Variants in KIAA1217 observed in about 807,000 individuals in gnomAD.
KIAA1217 encodes the protein KIAA1217.
KIAA1217 carries 88 observed loss-of-function variants against 163.9 expected under a neutral mutation model. That is an observed-to-expected ratio of 0.54 (90% CI 0.45 to 0.64). The LOEUF (loss-of-function observed/expected upper bound fraction) is 0.64. Among genes scored for constraint, KIAA1217 ranks in the 30% least tolerant of loss-of-function variants. The pLI, the probability that KIAA1217 is intolerant of heterozygous loss-of-function variation, is 0.00. For missense variants in KIAA1217, 2,372 were observed against 2,475.0 expected, an observed-to-expected ratio of 0.96 and a Z score of 0.88; for synonymous variants, 903 against 923.1, an observed-to-expected ratio of 0.98 and a Z score of 0.39.
At chr10:23,870,621 A>G (rs556211682) in intron 1 of KIAA1217, among the ~76,000 whole-genome samples, 1 of 152,256 alleles carries the variant, frequency 6.6e-6, no homozygotes, top group South Asian at 2.1e-4. Flanking sequence ...AGTTTTACGT[A>G]CTTTAAATCA....
chr10:24,175,640 G>T (rs1333881205), intron 2 of KIAA1217, among the ~76,000 whole-genome samples: 1 of 152,144 alleles, frequency 6.6e-6, no homozygotes, highest in Non-Finnish European at 1.5e-5. Context: ...CCCTCGCGGT[G>T]AGTGTTACAG....
At chr10:24,059,411 T>A (rs2060636705) in intron 2 of KIAA1217, among the ~76,000 whole-genome samples, 1 of 152,234 alleles carries the variant, frequency 6.6e-6, no homozygotes, top group Non-Finnish European at 1.5e-5. Flanking sequence ...TTGGAAATGT[T>A]CTCACTTCCT....
chr10:23,903,326 A>G (rs1166861194), intron 1 of KIAA1217, among the ~76,000 whole-genome samples: 1 of 152,062 alleles, frequency 6.6e-6, no homozygotes. Context: ...AAAGAGTAAA[A>G]TTTTTCTCAC....
At chr10:24,538,733 T>TTTG (rs1211688723) in intron 17 of KIAA1217, among the ~76,000 whole-genome samples, 2 of 24,068 alleles carry the variant, frequency 8.3e-5, no homozygotes, top group Non-Finnish European at 2.4e-4. Flanking sequence ...TTGTTTTTGG[T>TTTG]TTTTTTTTTT....
At chr10:23,855,602 A>T (rs965858610) in intron 1 of KIAA1217, among the ~76,000 whole-genome samples, 1 of 152,128 alleles carries the variant, frequency 6.6e-6, no homozygotes, top group Non-Finnish European at 1.5e-5. Flanking sequence ...TATCCTGCAG[A>T]GTGTTTTCCA....
At chr10:24,000,458 T>A (rs1846687244) in intron 1 of KIAA1217, among the ~76,000 whole-genome samples, 2 of 152,244 alleles carry the variant, frequency 1.3e-5, no homozygotes, top group Non-Finnish European at 2.9e-5. Flanking sequence ...ATTGTAAGTT[T>A]CCTGAGGCTT....
chr10:24,205,485 G>C (rs1171105636), upstream of KIAA1217, among the ~76,000 whole-genome samples: 1 of 149,034 alleles, frequency 6.7e-6, no homozygotes, highest in Non-Finnish European at 1.5e-5. Flanking sequence ...CAAAAAAAAG[G>C]AAAAAATGCC....
At chr10:24,427,813 C>T (rs2059292072) in intron 3 of KIAA1217, among the ~76,000 whole-genome samples, 1 of 152,198 alleles carries the variant, frequency 6.6e-6, no homozygotes. Context: ...TTTTGTTCAT[C>T]ATCATGCCAA....
chr10:24,080,571 A>G (rs1052681476), intron 2 of KIAA1217, among the ~76,000 whole-genome samples: 3 of 152,204 alleles, frequency 2.0e-5, no homozygotes, highest in Admixed American at 6.5e-5. Flanking sequence ...CTAATTAACC[A>G]TAATTAGGAA....
intron 2 of KIAA1217, among the ~76,000 whole-genome samples, chr10:24,115,446 G>GA (rs566674085): frequency 2.0e-4 from 31 of 152,050 alleles, no homozygotes; most frequent in African/African-American, 7.2e-4. Context: ...GCTATTCTGG[G>GA]AAAAAAAATG....
chr10:24,045,466 C>T (rs902123482), intron 2 of KIAA1217, among the ~76,000 whole-genome samples: 1 of 151,846 alleles, frequency 6.6e-6, no homozygotes, highest in African/African-American at 2.4e-5. Flanking sequence ...CTTTATGGAC[C>T]TCCTAGGAGT....
chr10:24,495,104 A>AT, intron 7 of KIAA1217, 43 bp from the exon 8 acceptor site: 2 of 1,519,710 alleles, frequency 1.3e-6, no homozygotes, highest in Non-Finnish European at 1.8e-6. Context: ...AAAAAAAGGC[A>AT]TTTTGGAAAC....
chr10:24,335,584 T>TTTTATTTATTTATTTATTTATTTA (rs58982993), intron 2 of KIAA1217, among the ~76,000 whole-genome samples: 14 of 138,398 alleles, frequency 1.0e-4, no homozygotes, highest in African/African-American at 2.7e-4. Flanking sequence ...TTTTATCTTA[T>TTTTATTTATTTATTTATTTATTTA]TTTATTTATT....
chr10:23,831,778 A>G (rs992291908), intron 1 of KIAA1217, among the ~76,000 whole-genome samples: 3 of 152,178 alleles, frequency 2.0e-5, no homozygotes, highest in Admixed American at 1.3e-4. Flanking sequence ...CTTTTGAGCT[A>G]TCAACCTTAA....
At chr10:23,747,695 A>T (rs1176822118) in intron 1 of KIAA1217, among the ~76,000 whole-genome samples, 1 of 152,216 alleles carries the variant, frequency 6.6e-6, no homozygotes, top group African/African-American at 2.4e-5. Context: ...GGTCAGAAAG[A>T]TACAGAGAAC....
At chr10:23,803,661 C>T (rs1456396332) in intron 1 of KIAA1217, among the ~76,000 whole-genome samples, 1 of 152,160 alleles carries the variant, frequency 6.6e-6, no homozygotes, top group Non-Finnish European at 1.5e-5. Flanking sequence ...TGAACTATGA[C>T]ATCTGTCTTT....
chr10:24,404,560 C>CT (rs1248927477), intron 3 of KIAA1217, among the ~76,000 whole-genome samples: 1 of 99,482 alleles, frequency 1.0e-5, no homozygotes, highest in East Asian at 2.9e-4. Flanking sequence ...GAATGAGACT[C>CT]TGTCTCAAAA....
At chr10:24,173,606 G>A (rs1167633400) in intron 2 of KIAA1217, among the ~76,000 whole-genome samples, 1 of 151,960 alleles carries the variant, frequency 6.6e-6, no homozygotes, top group Non-Finnish European at 1.5e-5. Flanking sequence ...GAGATCATCT[G>A]GTTCAATACT....
intron 1 of KIAA1217, among the ~76,000 whole-genome samples, chr10:23,709,300 G>C (rs796236372): frequency 6.6e-6 from 1 of 152,134 alleles, no homozygotes; most frequent in Non-Finnish European, 1.5e-5. Context: ...GAGGTGGGCG[G>C]ATCACTTGAG....
Sources: allele counts gnomAD v4.1 joint callset (sites outside exome capture counted in the v4.1 genomes callset), GRCh38; gene constraint gnomAD v4.1.1; transcripts MANE v1.5; gene names NCBI Gene and HGNC (gene_info 2026-07-23, HGNC 2026-07-21).